Variants in RALGPS2 observed in about 807,000 individuals in gnomAD.
The protein encoded by RALGPS2 is ras-specific guanine nucleotide-releasing factor RalGPS2.
A neutral mutation model predicts 86.8 loss-of-function variants in RALGPS2; 43 were observed. The ratio of observed to expected loss-of-function variants is 0.50; its 90% CI spans 0.39 to 0.64. The LOEUF (loss-of-function observed/expected upper bound fraction) is 0.64. RALGPS2 is among the 30% of genes least tolerant of loss of function. The pLI is 0.00. For missense variants in RALGPS2, 536 were observed against 694.6 expected, an observed-to-expected ratio of 0.77 and a Z score of 2.57; for synonymous variants, 243 against 231.3, an observed-to-expected ratio of 1.05 and a Z score of -0.46.
At chr1:178,792,705 A>G (rs1654013563) in intron 4 of RALGPS2, among the ~76,000 whole-genome samples, 1 of 152,134 alleles carries the variant, frequency 6.6e-6, no homozygotes, top group Non-Finnish European at 1.5e-5. Context: ...CCAAATTTGG[A>G]TACTTCTATG....
At position 178,921,364 on chromosome 1, in the gene RALGPS2, T is replaced by C. The variant is rs919067248; in HGVS notation, c.*5005T>C. 6.6e-6 allele frequency: 1 copy of C among 152,058 alleles called. No individual in the cohort carries two copies. The highest frequency in any genetic ancestry group is 1.5e-5 in the Non-Finnish European group (1 of 67,936). 9.4% of individuals were successfully genotyped at this position (152,058 alleles called of 1,614,324 possible). A position where few individuals can be genotyped will look rare whatever the true frequency, so the allele number is the denominator to read the frequency against. Reference sequence around the variant, plus strand: ...TATTGTTTCCCCTGAAGATATGACCTACTAGAACTACTCACATATATAGTC... The same window carrying C: ...TATTGTTTCCCCTGAAGATATGACCCACTAGAACTACTCACATATATAGTC... On this transcript the variant is annotated 3_prime_UTR_variant, in exon 20 of 20. Coordinates refer to ENST00000367635, the MANE Select transcript of RALGPS2 (RefSeq NM_152663.5).
intron 2 of RALGPS2, among the ~76,000 whole-genome samples, chr1:178,777,561 C>A (rs1401822701): frequency 3.3e-5 from 5 of 151,030 alleles, no homozygotes; most frequent in Admixed American, 6.6e-5. Context: ...TCATATGGAA[C>A]CAAAAAAGAG....
At chr1:178,869,287 A>G (rs1360910121) in intron 8 of RALGPS2, 1 of 152,102 alleles carries the variant, frequency 6.6e-6, no homozygotes, top group Non-Finnish European at 1.5e-5. Flanking sequence ...TCACAGAGGC[A>G]TTTAACTGGC....
intron 1 of RALGPS2, among the ~76,000 whole-genome samples, chr1:178,758,044 A>G (rs1349685764): frequency 1.3e-5 from 2 of 151,786 alleles, no homozygotes; most frequent in African/African-American, 4.8e-5. Context: ...GAATTTATCC[A>G]TTTTCTCTAG....
chr1:178,907,492 AC>A (rs1329935636), intron 19 of RALGPS2, among the ~76,000 whole-genome samples: 4 of 152,210 alleles, frequency 2.6e-5, no homozygotes, highest in Admixed American at 2.0e-4. Context: ...TTTTACTGAA[AC>A]AAAAATGGTC....
intron 6 of RALGPS2, among the ~76,000 whole-genome samples, chr1:178,815,961 T>G (rs914078341): frequency 6.6e-6 from 1 of 152,248 alleles, no homozygotes; most frequent in African/African-American, 2.4e-5. Context: ...GTATGGATAT[T>G]CCACAATTTC....
At chr1:178,854,656 C>T (rs998217635) in intron 8 of RALGPS2, among the ~76,000 whole-genome samples, 8 of 152,196 alleles carry the variant, frequency 5.3e-5, no homozygotes, top group Middle Eastern at 3.4e-3. Flanking sequence ...AGAGATAGAA[C>T]GATTAACTAA....
At chr1:178,807,854 T>G (rs1654813446) in intron 4 of RALGPS2, among the ~76,000 whole-genome samples, 191 bp from the exon 5 acceptor site, 1 of 152,226 alleles carries the variant, frequency 6.6e-6, no homozygotes, top group Non-Finnish European at 1.5e-5. Context: ...ATAGTCGTTG[T>G]GCTCTCTTAT....
chr1:178,883,675 G>GT (rs1659354769), intron 11 of RALGPS2, 142 bp downstream of exon 11: 2 of 714,930 alleles, frequency 2.8e-6, no homozygotes, highest in Non-Finnish European at 4.4e-6. Flanking sequence ...TCCTTTCTGG[G>GT]TTTTTTGGTT....
intron 1 of RALGPS2, among the ~76,000 whole-genome samples, chr1:178,759,578 G>T (rs1215115100): frequency 2.9e-5 from 4 of 137,592 alleles, no homozygotes; most frequent in African/African-American, 1.1e-4. Flanking sequence ...TGTGTCTTCT[G>T]TGGTTCCATA....
chr1:178,750,483 A>G (rs1184802833), intron 1 of RALGPS2, among the ~76,000 whole-genome samples: 2 of 152,226 alleles, frequency 1.3e-5, no homozygotes, highest in Non-Finnish European at 2.9e-5. Context: ...GTGGCACCCT[A>G]TCACTTGCAG....
intron 4 of RALGPS2, among the ~76,000 whole-genome samples, chr1:178,788,797 T>C (rs921749353): frequency 2.7e-5 from 4 of 150,300 alleles, no homozygotes; most frequent in Admixed American, 6.6e-5. Context: ...CTTCTCTTCT[T>C]TTCTTTCTTT....
rs568278821 is a variant in RALGPS2, at chr1:178,821,891, A to C, written c.480+187A>C. 7.2e-5 allele frequency among the ~76,000 whole-genome samples: 11 copies of C among 152,170 alleles called. No homozygotes were observed. In the East Asian group the frequency reaches 2.1e-3, roughly 29 times the overall value. On this transcript the variant is annotated intron_variant, in intron 7 of 19. Transcript: ENST00000367635. ...TAAGCAGTGCACTGGGTATAAGGTA[A>C]TTTTTGGGTACAGCTTGGTGCTTAG...
intron 6 of RALGPS2, among the ~76,000 whole-genome samples, chr1:178,819,902 G>C (rs1364480388): frequency 6.6e-6 from 1 of 151,970 alleles, no homozygotes; most frequent in Non-Finnish European, 1.5e-5. Flanking sequence ...TCTGCTCCCT[G>C]ATCTTTCCAA....
At chr1:178,912,333 A>C (rs1660658190) in intron 19 of RALGPS2, among the ~76,000 whole-genome samples, 1 of 152,002 alleles carries the variant, frequency 6.6e-6, no homozygotes, top group South Asian at 2.1e-4. Flanking sequence ...TTTTTCTTTC[A>C]TTTCCACATG....
At chr1:178,865,299 T>G (rs780592103) in intron 8 of RALGPS2, 1 of 1,614,058 alleles carries the variant, frequency 6.2e-7, no homozygotes, top group South Asian at 1.1e-5. Context: ...GTGGTGACAT[T>G]GAGGATTTTG....
intron 6 of RALGPS2, among the ~76,000 whole-genome samples, chr1:178,816,187 T>C (rs754243117): frequency 6.6e-6 from 1 of 152,214 alleles, no homozygotes; most frequent in Non-Finnish European, 1.5e-5. Context: ...TTTACCACTT[T>C]AAATTGCAGT....
chr1:178,847,416 A>G (rs139255214), intron 8 of RALGPS2, among the ~76,000 whole-genome samples: 3,266 of 152,286 alleles, frequency 0.021, 40 homozygotes, highest in Middle Eastern at 0.041. Context: ...ATTGCACTTC[A>G]GCATGGGCAA....
At chr1:178,851,057 A>T in intron 8 of RALGPS2, 1 of 1,414,488 alleles carries the variant, frequency 7.1e-7, no homozygotes, top group Non-Finnish European at 9.6e-7. Context: ...AGTAATATAC[A>T]TGTAACATTT....
Sources: allele counts gnomAD v4.1 joint callset (sites outside exome capture counted in the v4.1 genomes callset), GRCh38; gene constraint gnomAD v4.1.1; transcripts MANE v1.5; gene names NCBI Gene and HGNC (gene_info 2026-07-23, HGNC 2026-07-21).